The following EPHA7 variants were observed in gnomAD, a reference collection of about 807,000 sequenced individuals.
The protein encoded by EPHA7 is ephrin type-A receptor 7.
EPHA7 carries 25 observed loss-of-function variants against 112.6 expected under a neutral mutation model. The ratio of observed to expected loss-of-function variants is 0.22; its 90% confidence interval spans 0.16 to 0.31. The LOEUF (loss-of-function observed/expected upper bound fraction) is 0.31. Ranked by LOEUF, EPHA7 falls within the 10% of genes least tolerant of loss-of-function variation. The probability of loss-of-function intolerance (pLI) is 1.00; values close to 1 mark genes in which losing one functional copy is unlikely to be tolerated. For synonymous variants in EPHA7, 437 were observed against 406.5 expected, an observed-to-expected ratio of 1.07 and a Z score of -0.90; for missense variants, 962 against 1,212.6, an observed-to-expected ratio of 0.79 and a Z score of 3.07.
chr6:93,260,190 T>C (rs1209369150), intron 9 of EPHA7, among the ~76,000 whole-genome samples: 2 of 151,898 alleles, frequency 1.3e-5, no homozygotes, highest in Admixed American at 6.6e-5. Context: ...GAAAGAGGAA[T>C]GGTTTATATG....
chr6:93,379,267 T>C (rs542597464), intron 3 of EPHA7, among the ~76,000 whole-genome samples: 1 of 152,170 alleles, frequency 6.6e-6, no homozygotes, highest in East Asian at 1.9e-4. Context: ...TTGAATTGCC[T>C]CTTCCTCCAA....
At chr6:93,300,767 A>G (rs1200826225) in intron 5 of EPHA7, among the ~76,000 whole-genome samples, 5 of 152,192 alleles carry the variant, frequency 3.3e-5, no homozygotes. Flanking sequence ...GTTCTGTTGC[A>G]TGAAACAAAT....
chr6:93,341,140 T>C (rs1176733511), intron 5 of EPHA7, among the ~76,000 whole-genome samples: 3 of 151,980 alleles, frequency 2.0e-5, no homozygotes, highest in Non-Finnish European at 2.9e-5. Context: ...AGACAATCTA[T>C]AGCTTAAAAT....
At chr6:93,317,222 T>G (rs1413969822) in intron 5 of EPHA7, among the ~76,000 whole-genome samples, 1 of 152,200 alleles carries the variant, frequency 6.6e-6, no homozygotes, top group African/African-American at 2.4e-5. Flanking sequence ...CACAACTTTC[T>G]GGCTTTGGAA....
At chr6:93,302,825 A>T (rs1773057501) in intron 5 of EPHA7, among the ~76,000 whole-genome samples, 1 of 151,962 alleles carries the variant, frequency 6.6e-6, no homozygotes, top group Non-Finnish European at 1.5e-5. Flanking sequence ...GAGTCATGGA[A>T]GAGAAATAGT....
Position 93,314,627 on chromosome 6 carries a change from G to T in EPHA7, c.1324+42090C>A, listed in dbSNP as rs910527738. Among the ~76,000 whole-genome samples the T allele has an allele frequency of 1.1e-4, 16 of 152,102 alleles. No homozygotes were observed. The East Asian group carries it at 2.5e-3, about 24-fold the overall frequency. On this transcript the variant is annotated intron_variant, in intron 5 of 16. Coordinates refer to ENST00000369303, the MANE Select transcript of EPHA7 (RefSeq NM_004440.4). The stretch of plus-strand genomic sequence containing the variant: ...AAAGCCATATGAGTAGGTGTTATTT[G>T]AAGAATACAACCAATTTTGTGGGAA...
At chr6:93,346,826 A>C (rs562272608) in intron 5 of EPHA7, among the ~76,000 whole-genome samples, 1 of 151,878 alleles carries the variant, frequency 6.6e-6, no homozygotes, top group African/African-American at 2.4e-5. Context: ...TTATTTGCAA[A>C]TATTATTTTA....
In EPHA7 at chr6:93,240,209, A is replaced by T. The variant is rs1031067292; in HGVS notation, c.*3217T>A. On this transcript the variant is annotated 3_prime_UTR_variant, in exon 17 of 17. Coordinates refer to ENST00000369303, the MANE Select transcript of EPHA7 (RefSeq NM_004440.4). ...AGGAGGGACAAATTCAACCAACGAA[A>T]AGCACATCTCGCCCCGAGTTCCCCA... 4.5e-6 allele frequency: 1 copy of T among 223,534 alleles called. No individual in the cohort carries two copies. The highest frequency in any genetic ancestry group is 2.2e-5 in the African/African-American group (1 of 44,868). The allele number at this position is 223,534 out of a possible 1,614,324, so 13.8% of individuals were successfully genotyped here. A position where few individuals can be genotyped will look rare whatever the true frequency, so the allele number is the denominator to read the frequency against.
rs1778939989 is a variant in EPHA7 at position 93,410,807 on chromosome 6, G to T, written c.526C>A (p.Pro176Thr). The change falls in exon 3 of 17, where the codon CCT (proline) becomes ACT (threonine). Residue 176 changes from proline to threonine, a missense_variant. This residue lies in a region of EPHA7 where 160 missense variants were observed against 263.6 expected (regional missense o/e 0.61). Transcript: ENST00000369303. This position sits in a 1 kb window ranked among gnomAD's most constrained non-coding sequence, Gnocchi z 4.0. ...KLNTEVREIG[P>T]LSKKGFYLAF... is the part of the protein sequence containing the mutation. The stretch of plus-strand genomic sequence containing the variant: ...AGATAGAATCCCTTTTTGGACAAAG[G>T]TCCAATCTCTCTCACCTCAGTGTTA... 6.8e-6 allele frequency: 11 copies of T among 1,613,976 alleles called. No homozygotes were observed. Among genetic ancestry groups the T allele is most frequent in the Non-Finnish European group, 8.5e-6 (10 of 1,179,942 alleles).
intron 5 of EPHA7, among the ~76,000 whole-genome samples, chr6:93,323,106 T>C (rs969846386): frequency 4.0e-5 from 6 of 150,772 alleles, no homozygotes; most frequent in South Asian, 2.1e-4. Flanking sequence ...ATGCATAACA[T>C]AGAATTTTTT....
intron 5 of EPHA7, among the ~76,000 whole-genome samples, chr6:93,299,591 T>G (rs1772866085): frequency 6.6e-6 from 1 of 152,112 alleles, no homozygotes; most frequent in Admixed American, 6.5e-5. Context: ...CTCAAAGAGC[T>G]AAAAACAGAA....
In EPHA7 at chr6:93,254,763, C is replaced by G; in HGVS notation, c.2416G>C (p.Glu806Gln). The part of the protein sequence containing the change: ...GKIPVRWTAP[E>Q]AIQYRKFTSA... ...GTGAATTTCCGGTACTGGATGGCTTCGGGTGCTGTCCACCTTACTGGAATT... is the reference window on the plus strand; with the variant it reads ...GTGAATTTCCGGTACTGGATGGCTTGGGGTGCTGTCCACCTTACTGGAATT... Residue 806 changes from glutamate (E) to glutamine (Q), a missense_variant, in exon 14 of 17, where the codon GAA (glutamate) becomes CAA (glutamine). By Grantham distance (29) the Glu-to-Gln change is conservative (BLOSUM62 2). Transcript: ENST00000369303. 6.2e-7 allele frequency: 1 copy of G among 1,612,744 alleles called. No homozygotes were observed.
intron 4 of EPHA7, 62 bp downstream of exon 4, chr6:93,358,194 T>C: frequency 7.8e-7 from 1 of 1,277,432 alleles, no homozygotes. Flanking sequence ...TTCATTGATG[T>C]CACAACAGTA....
rs1445853727 is a variant in EPHA7, at chr6:93,364,134, T to C, written c.833-5723A>G. ...TAAAAATGATTTGCGGTGACAGTTG[T>C]ACAACTCTGTGACTATAACAAAAAT... On this transcript the variant is annotated intron_variant, in intron 3 of 16. Coordinates refer to ENST00000369303, the MANE Select transcript of EPHA7 (RefSeq NM_004440.4). Among the ~76,000 whole-genome samples, 2 of 152,308 alleles carry C rather than the reference T, an allele frequency of 1.3e-5. 1 individual carries two copies. The highest frequency in any genetic ancestry group is 4.1e-4 in the South Asian group (2 of 4,832).
intron 3 of EPHA7, among the ~76,000 whole-genome samples, chr6:93,408,600 A>G (rs1778827577): frequency 6.6e-6 from 1 of 152,118 alleles, no homozygotes; most frequent in Non-Finnish European, 1.5e-5. Flanking sequence ...AAACTGGTCT[A>G]TGGGACCTGA....
intron 2 of EPHA7, among the ~76,000 whole-genome samples, chr6:93,411,697 G>A (rs190741209): frequency 2.4e-4 from 37 of 152,064 alleles, no homozygotes; most frequent in East Asian, 2.1e-3. Flanking sequence ...TTTTACAATC[G>A]TTTCAAAATG....
intron 3 of EPHA7, among the ~76,000 whole-genome samples, chr6:93,387,052 C>T (rs1562145870): frequency 1.3e-5 from 2 of 152,140 alleles, no homozygotes; most frequent in Non-Finnish European, 2.9e-5. Context: ...TAACATTTGG[C>T]TCCTTATTAC....
At chr6:93,248,672 A>AAAAC (rs67661858) in intron 14 of EPHA7, among the ~76,000 whole-genome samples, 39,757 of 150,254 alleles carry the variant, frequency 0.26, 5,621 homozygotes, top group East Asian at 0.52. Flanking sequence ...TCTCTTTTTA[A>AAAAC]AAACAAACAA....
chr6:93,343,394 C>T (rs1010368556), intron 5 of EPHA7, among the ~76,000 whole-genome samples: 1 of 151,586 alleles, frequency 6.6e-6, no homozygotes, highest in African/African-American at 2.4e-5. Context: ...AATTCAAAGT[C>T]AAACACATGA....
Sources: allele counts gnomAD v4.1 joint callset (sites outside exome capture counted in the v4.1 genomes callset), GRCh38; gene constraint gnomAD v4.1.1; regional missense constraint gnomAD v4.1.1; non-coding constraint Gnocchi (gnomAD v3.1); transcripts MANE v1.5; gene names NCBI Gene and HGNC (gene_info 2026-07-23, HGNC 2026-07-21).